The following RBMS1 variants were observed in gnomAD, a reference collection of about 807,000 sequenced individuals.
The protein encoded by RBMS1 is RNA-binding motif, single-stranded-interacting protein 1.
In RBMS1, 17 loss-of-function variants were observed where a neutral mutation model predicts 62.3. The observed-to-expected ratio is 0.27, with a 90% confidence interval of 0.19 to 0.41. RBMS1 has a LOEUF of 0.41. Among genes scored for constraint, RBMS1 ranks in the 10% least tolerant of loss-of-function variants. The pLI is 1.00. For missense variants in RBMS1, 334 were observed against 504.5 expected (o/e 0.66, Z 3.24); for synonymous variants, 172 against 170.0 (o/e 1.01, Z -0.09).
chr2:160,316,701 T>C (rs1690241552), intron 3 of RBMS1, among the ~76,000 whole-genome samples: 1 of 152,200 alleles, frequency 6.6e-6, no homozygotes, highest in Non-Finnish European at 1.5e-5. Context: ...TCCTTTCTTT[T>C]ACTTAAATTA....
Position 160,476,094 on chromosome 2 carries a change from G to A in RBMS1, c.75+17195C>T, listed in dbSNP as rs1191215965. On this transcript the variant is annotated intron_variant, in intron 1 of 13. Coordinates refer to ENST00000348849, the MANE Select transcript of RBMS1 (RefSeq NM_016836.4). ...GCTGGTCTCAAACTCCTGGACTCAA[G>A]TGATCCACCCACCTCGGCCTCCCAA... is the stretch of plus-strand genomic sequence containing the variant. Among the ~76,000 whole-genome samples, 4 of 152,230 alleles carry A rather than the reference G, an allele frequency of 2.6e-5. No homozygotes were observed. The East Asian group carries it at 7.7e-4, about 29-fold the overall frequency.
chr2:160,371,357 G>C (rs1036138299), intron 1 of RBMS1, among the ~76,000 whole-genome samples: 1 of 152,166 alleles, frequency 6.6e-6, no homozygotes, highest in Non-Finnish European at 1.5e-5. Flanking sequence ...GACCCTCTAT[G>C]GATGAAGCTT....
At chr2:160,386,524 G>C (rs999849326) in intron 1 of RBMS1, among the ~76,000 whole-genome samples, 6 of 142,356 alleles carry the variant, frequency 4.2e-5, no homozygotes, top group East Asian at 2.1e-4. Flanking sequence ...CTGGGAGACA[G>C]AGTGAGACTC....
intron 1 of RBMS1, among the ~76,000 whole-genome samples, chr2:160,379,502 G>A (rs1417398108): frequency 6.6e-6 from 1 of 152,144 alleles, no homozygotes; most frequent in African/African-American, 2.4e-5. Flanking sequence ...GGTGCCCTGG[G>A]AGCTAACCAA....
At chr2:160,281,271 A>T (rs1688091403) in intron 10 of RBMS1, 43 bp downstream of exon 10, 2 of 1,511,534 alleles carry the variant, frequency 1.3e-6, no homozygotes. Flanking sequence ...ATATACACAT[A>T]ACTTACTTGT....
chr2:160,462,837 C>T (rs1684523806), intron 1 of RBMS1, among the ~76,000 whole-genome samples: 2 of 151,844 alleles, frequency 1.3e-5, no homozygotes, highest in Admixed American at 6.6e-5. Context: ...CTCAGGTGAT[C>T]CACCCGCCTC....
chr2:160,407,425 CTCGCCGACCTCGGCGCGG>C (rs1210021653), intron 1 of RBMS1: 1 of 985,922 alleles, frequency 1.0e-6, no homozygotes, highest in African/African-American at 1.7e-5. Context: ...TAACGCGGGG[CTCGCCGACCTCGGCGCGG>C]CATCCCGGCC....
rs1292224834 is a variant in RBMS1 at position 160,284,871 on chromosome 2, A to G, written c.807-3T>C. On this transcript the variant is annotated splice_polypyrimidine_tract_variant and splice_region_variant and intron_variant, in intron 8 of 13. Transcript: ENST00000348849. ...TACTGTATGGTGAAGGATAAAATCT[A>G]GAACAAACACAAAAGCCTTTATTAA... 1 of 1,595,524 alleles carries G rather than the reference A, an allele frequency of 6.3e-7. No individual in the cohort carries two copies. Among genetic ancestry groups the G allele is most frequent in the African/African-American group, 1.3e-5 (1 of 74,442 alleles).
chr2:160,384,966 T>C (rs542222408), intron 1 of RBMS1, among the ~76,000 whole-genome samples: 6 of 152,226 alleles, frequency 3.9e-5, no homozygotes, highest in African/African-American at 1.4e-4. Flanking sequence ...ATCCGGTTGT[T>C]TAAAAGTGTG....
chr2:160,425,330 C>G (rs1166153056), intron 1 of RBMS1, among the ~76,000 whole-genome samples: 1 of 152,218 alleles, frequency 6.6e-6, no homozygotes, highest in Non-Finnish European at 1.5e-5. Flanking sequence ...TGTCTTCCAG[C>G]TGGCTTTTAA....
chr2:160,493,572 T>TTCCTCC lies in RBMS1; in HGVS notation c.-215_-210dup. 7 of 422,306 alleles carry TTCCTCC rather than the reference T, an allele frequency of 1.7e-5. No individual in the cohort carries two copies. Among genetic ancestry groups the TTCCTCC allele is most frequent in the Middle Eastern group, 7.9e-4 (1 of 1,266 alleles). The allele number at this position is 422,306 out of a possible 1,614,324, so 26.2% of individuals were successfully genotyped here. ...CCTCCTCCTCCTCCTCCTCCTCCTCTTCCTCCTCCTCCTCCTCCTCCCAGG... is the reference window on the plus strand; with the variant it reads ...CCTCCTCCTCCTCCTCCTCCTCCTCTTCCTCCTCCTCCTCCTCCTCCTCCTCCCAGG... On this transcript the variant is annotated 5_prime_UTR_variant, in exon 1 of 14. Transcript: ENST00000348849.
intron 1 of RBMS1, among the ~76,000 whole-genome samples, chr2:160,482,578 T>C (rs1164881522): frequency 6.6e-6 from 1 of 152,220 alleles, no homozygotes; most frequent in African/African-American, 2.4e-5. Flanking sequence ...CTTAACTAGA[T>C]GATTTTTAGA....
chr2:160,286,303 CTTTTT>C (rs1221643184), intron 7 of RBMS1, among the ~76,000 whole-genome samples: 1 of 122,466 alleles, frequency 8.2e-6, no homozygotes, highest in Non-Finnish European at 1.8e-5. Context: ...TTCTTCCTTT[CTTTTT>C]TTTTTTTTTT....
chr2:160,480,746 T>A (rs1280609298), intron 1 of RBMS1, among the ~76,000 whole-genome samples: 2 of 152,202 alleles, frequency 1.3e-5, no homozygotes, highest in East Asian at 3.9e-4. Context: ...CCTAGAATAG[T>A]TAAGACCACT....
At chr2:160,309,975 A>C (rs1346485987) in intron 4 of RBMS1, among the ~76,000 whole-genome samples, 1 of 152,232 alleles carries the variant, frequency 6.6e-6, no homozygotes, top group Non-Finnish European at 1.5e-5. Context: ...TCAAATAAAC[A>C]GTACTGGAGT....
At chr2:160,324,882 G>GTGTATATATATATATA (rs1206910746) in intron 2 of RBMS1, among the ~76,000 whole-genome samples, 7 of 100,012 alleles carry the variant, frequency 7.0e-5, no homozygotes, top group Admixed American at 4.1e-4. Context: ...GTGTGTGTGT[G>GTGTATATATATATATA]TATATATATA....
At chr2:160,367,579 A>G in intron 1 of RBMS1, 188 bp from the exon 2 acceptor site, 2 of 1,117,360 alleles carry the variant, frequency 1.8e-6, no homozygotes, top group African/African-American at 1.6e-5. Context: ...TAAAATTGAT[A>G]ATAGGGTTTA....
intron 1 of RBMS1, among the ~76,000 whole-genome samples, chr2:160,387,236 G>A (rs952058576): frequency 2.6e-5 from 4 of 152,014 alleles, no homozygotes; most frequent in Non-Finnish European, 4.4e-5. Flanking sequence ...CTGGGGATGC[G>A]GTGATGCTAG....
chr2:160,388,280 C>A (rs1431032022), intron 1 of RBMS1, among the ~76,000 whole-genome samples: 3 of 152,174 alleles, frequency 2.0e-5, no homozygotes, highest in African/African-American at 7.2e-5. Context: ...AATAATTCAC[C>A]CAGTGGTCCT....
Sources: allele counts gnomAD v4.1 joint callset (sites outside exome capture counted in the v4.1 genomes callset), GRCh38; gene constraint gnomAD v4.1.1; transcripts MANE v1.5; gene names NCBI Gene and HGNC (gene_info 2026-07-23, HGNC 2026-07-21).